ANXA4: variants seen among roughly 807,000 people sequenced by gnomAD.
The protein encoded by ANXA4 is annexin A4, also known as 35-beta calcimedin.
In ANXA4, 39 loss-of-function variants were observed where a neutral mutation model predicts 49.8. That is an observed-to-expected ratio of 0.78 (90% CI 0.61 to 1.02). The LOEUF (loss-of-function observed/expected upper bound fraction) is 1.02, where lower values mean the gene tolerates loss of function less well. Among genes scored for constraint, ANXA4 ranks in the 50% least tolerant of loss-of-function variants. ANXA4 has a pLI of 0.00. For missense variants in ANXA4, 360 were observed against 410.1 expected (o/e 0.88, Z 1.05); for synonymous variants, 134 against 152.5 (o/e 0.88, Z 0.89).
chr2:69,650,455 G>C (rs996017582), intron 1 of ANXA4, among the ~76,000 whole-genome samples: 1 of 152,002 alleles, frequency 6.6e-6, no homozygotes, highest in Admixed American at 6.5e-5. Flanking sequence ...TTGCCTTCAA[G>C]GAGCTTTTGG....
At chr2:69,698,011 T>A (rs1466618616) in intron 2 of ANXA4, among the ~76,000 whole-genome samples, 1 of 151,010 alleles carries the variant, frequency 6.6e-6, no homozygotes, top group Non-Finnish European at 1.5e-5. Context: ...TACTATAGAT[T>A]GAGTGGTTTA....
intron 1 of ANXA4, among the ~76,000 whole-genome samples, chr2:69,747,868 C>T (rs11126245): frequency 0.59 from 89,839 of 151,482 alleles, 27,820 homozygotes; most frequent in African/African-American, 0.75. Context: ...AAAAATTTTG[C>T]ATAGATAGGG....
At chr2:69,728,610 C>T (rs1171680693) in intron 3 of ANXA4, among the ~76,000 whole-genome samples, 1 of 152,194 alleles carries the variant, frequency 6.6e-6, no homozygotes, top group Non-Finnish European at 1.5e-5. Flanking sequence ...GATCTAGCAT[C>T]ATTTATAGAA....
intron 6 of ANXA4, chr2:69,808,244 G>C (rs1673534126): frequency 1.4e-5 from 6 of 422,248 alleles, no homozygotes; most frequent in South Asian, 1.0e-4. Flanking sequence ...TACCCTAAAA[G>C]TTGGAAAGTT....
upstream of ANXA4, chr2:69,644,045 G>T (rs1381919715): frequency 1.8e-5 from 5 of 285,168 alleles, no homozygotes; most frequent in Admixed American, 1.9e-4. Context: ...ACTCCTGGAG[G>T]AGAGGGCGAG....
chr2:69,716,048 C>T (rs1046533223), intron 2 of ANXA4, among the ~76,000 whole-genome samples: 2 of 152,218 alleles, frequency 1.3e-5, no homozygotes, highest in Non-Finnish European at 2.9e-5. Context: ...AAGCCTCACT[C>T]TCTCCTGGAG....
In ANXA4 at chr2:69,783,506, C is replaced by T. The variant is rs147654504; in HGVS notation, c.9+1932C>T. On this transcript the variant is annotated intron_variant, in intron 2 of 12. Coordinates refer to ENST00000394295, the MANE Select transcript of ANXA4 (RefSeq NM_001153.5). ...CTGGGATTACGGGCGTGAGCCACCG[C>T]GCCCAGCTTTCTTCTTAATTTTTAA... Among the ~76,000 whole-genome samples the T allele has an allele frequency of 6.1e-3, 925 of 152,284 alleles. 2 individuals carry two copies. Among genetic ancestry groups the T allele is most frequent in the Middle Eastern group, 0.01 (3 of 294 alleles).
chr2:69,777,406 T>A (rs1014243920), intron 1 of ANXA4, among the ~76,000 whole-genome samples: 1 of 152,186 alleles, frequency 6.6e-6, no homozygotes, highest in African/African-American at 2.4e-5. Context: ...TATAGTTATC[T>A]GGGGGCTTTC....
At chr2:69,757,133 T>G (rs1161855437) in intron 1 of ANXA4, among the ~76,000 whole-genome samples, 1 of 149,326 alleles carries the variant, frequency 6.7e-6, no homozygotes, top group Non-Finnish European at 1.5e-5. Context: ...TTCACCATGT[T>G]AGCCAGGCTA....
intron 2 of ANXA4, among the ~76,000 whole-genome samples, chr2:69,785,715 T>C (rs1347040975): frequency 6.6e-6 from 1 of 152,194 alleles, no homozygotes; most frequent in Non-Finnish European, 1.5e-5. Flanking sequence ...GTCACACAGC[T>C]AGAAAGAGGT....
rs1002558609 is a variant in ANXA4, at chr2:69,813,345, T to C, written c.534+636T>C. On this transcript the variant is annotated intron_variant, in intron 8 of 12. Transcript: ENST00000394295. ...CTCACTGCAACCTCCGCCTCCTGGG[T>C]TCAAGTGATTCTGCTGCCTCAGCCT... Among the ~76,000 whole-genome samples, 3 of 151,620 alleles carry C rather than the reference T, an allele frequency of 2.0e-5. No individual in the cohort carries two copies. The East Asian group carries it at 5.8e-4, about 29-fold the overall frequency.
At chr2:69,656,167 A>G (rs1446082238) in intron 2 of ANXA4, among the ~76,000 whole-genome samples, 1 of 147,892 alleles carries the variant, frequency 6.8e-6, no homozygotes, top group Non-Finnish European at 1.5e-5. Flanking sequence ...CAGCACTTAA[A>G]GTATAATTAA....
At chr2:69,708,416 C>T (rs776287725) in intron 2 of ANXA4, among the ~76,000 whole-genome samples, 24 of 152,094 alleles carry the variant, frequency 1.6e-4, no homozygotes, top group Non-Finnish European at 3.4e-4. Context: ...CTGTCCATGG[C>T]GAAACCCTGT....
intron 2 of ANXA4, among the ~76,000 whole-genome samples, chr2:69,706,426 G>A (rs1008768026): frequency 7.5e-5 from 11 of 146,432 alleles, no homozygotes; most frequent in African/African-American, 2.8e-4. Flanking sequence ...TCAGCCTCCC[G>A]AGTAGCTGGC....
intron 2 of ANXA4, among the ~76,000 whole-genome samples, chr2:69,702,018 A>G (rs1001832419): frequency 1.3e-5 from 2 of 151,582 alleles, no homozygotes; most frequent in Admixed American, 6.6e-5. Flanking sequence ...TATTTTATTT[A>G]TATATATTTT....
At chr2:69,677,221 G>T (rs921425447) in intron 2 of ANXA4, among the ~76,000 whole-genome samples, 1 of 151,980 alleles carries the variant, frequency 6.6e-6, no homozygotes, top group South Asian at 2.1e-4. Flanking sequence ...AGTTATTAAA[G>T]GTTCTTCATA....
chr2:69,695,626 C>T (rs1341684911), intron 2 of ANXA4, among the ~76,000 whole-genome samples: 2 of 152,204 alleles, frequency 1.3e-5, no homozygotes, highest in Non-Finnish European at 2.9e-5. Context: ...TTGGGAGAAG[C>T]CTTTCCAACA....
rs13405647 is a variant in ANXA4 at position 69,816,083 on chromosome 2, T to C, written c.535-18T>C. On this transcript the variant is annotated intron_variant, in intron 8 of 12. Transcript: ENST00000394295. ...CATCGTTTTTGGAATTTTAGACCTG[T>C]GCTTTGTTTGGCTTCAGGACCTGTA... The C allele has an allele frequency of 0.012, 20,013 of 1,607,532 alleles. 2,220 individuals are homozygous for C. The African/African-American group carries it at 0.24, about 19-fold the overall frequency.
intron 3 of ANXA4, among the ~76,000 whole-genome samples, chr2:69,724,471 G>C (rs763741869): frequency 5.3e-5 from 8 of 152,176 alleles, no homozygotes; most frequent in Non-Finnish European, 1.5e-5. Flanking sequence ...AGGCAGGTAT[G>C]GGCTAATTGC....
Sources: gnomAD v4.1 joint callset for allele counts (sites outside exome capture counted in the v4.1 genomes callset) on GRCh38, gnomAD v4.1.1 for gene constraint, MANE v1.5 for transcripts, NCBI Gene and HGNC (gene_info 2026-07-23, HGNC 2026-07-21) for gene names.